Variants in MAP3K15 observed in about 807,000 individuals in gnomAD.
MAP3K15 encodes MAPK/ERK kinase kinase 15.
In MAP3K15, 124 loss-of-function variants were observed where a neutral mutation model predicts 99.5. The ratio of observed to expected loss-of-function variants is 1.25; its 90% confidence interval spans 1.08 to 1.45. MAP3K15 has a LOEUF of 1.45. MAP3K15 is among the 40% of genes most tolerant of loss of function. The pLI is 0.00. For synonymous variants in MAP3K15, 494 were observed against 439.6 expected (o/e 1.12, Z -1.55); for missense variants, 1,242 against 1,079.7 (o/e 1.15, Z -2.11).
At chrX:19,490,140 TACACACACACACACAC>T (rs59202439) in intron 1 of MAP3K15, among the ~76,000 whole-genome samples, 66 of 92,469 alleles carry the variant, frequency 7.1e-4, no homozygotes, top group African/African-American at 2.2e-3. Context: ...ATAGGCATTA[TACACACACACACACAC>T]ACACACACAC....
At chrX:19,362,675 T>G in intron 26 of MAP3K15, 63 bp downstream of exon 26, 1 of 685,509 alleles carries the variant, frequency 1.5e-6, no homozygotes, top group Non-Finnish European at 2.3e-6. Flanking sequence ...CTCAAATGTT[T>G]CTTCAAAGCT....
At chrX:19,421,218 A>G (rs1160245709) in intron 9 of MAP3K15, among the ~76,000 whole-genome samples, 4 of 111,206 alleles carry the variant, frequency 3.6e-5, no homozygotes, top group East Asian at 2.8e-4. Context: ...AAGGGTATTC[A>G]ATTAGGAAAA....
At chrX:19,373,876 G>T (rs770385486) in intron 20 of MAP3K15, among the ~76,000 whole-genome samples, 181 bp from the exon 21 acceptor site, 1 of 111,233 alleles carries the variant, frequency 9.0e-6, no homozygotes, top group South Asian at 3.8e-4. Context: ...ATGCAGTTGG[G>T]GGTCCCTCAT....
At chrX:19,436,511 T>C (rs766088126) in intron 6 of MAP3K15, among the ~76,000 whole-genome samples, 1 of 111,414 alleles carries the variant, frequency 9.0e-6, no homozygotes, top group Non-Finnish European at 1.9e-5. Flanking sequence ...CTAGATCCCT[T>C]GATCATCCAT....
At position 19,514,903 on chromosome X, in the gene MAP3K15, G is replaced by C. The variant is rs1171701407; in HGVS notation, c.359C>G (p.Ala120Gly). ...ETAVLDAFYD[A>G]DVAVVDMSDV... ...GGTGGGGACGAAGCCGCTCTCACCT[G>C]CGTCGTAGAAGGCGTCGAGCACGGC... The change falls in exon 1 of 29, where the codon GCA (alanine) becomes GGA (glycine). Residue 120 changes from alanine (A) to glycine (G), a missense_variant and splice_region_variant. Coordinates refer to ENST00000338883, the MANE Select transcript of MAP3K15 (RefSeq NM_001001671.4). 1.8e-6 allele frequency: 2 copies of C among 1,119,160 alleles called. No individual in the cohort carries two copies. The allele number at this position is 1,119,160 out of a possible 1,213,427, so 92.2% of individuals were successfully genotyped here. A position where few individuals can be genotyped will look rare whatever the true frequency, so the allele number is the denominator to read the frequency against.
chrX:19,429,636 A>G (rs1602302436), intron 7 of MAP3K15, among the ~76,000 whole-genome samples: 2 of 109,290 alleles, frequency 1.8e-5, no homozygotes, highest in East Asian at 5.8e-4. Flanking sequence ...GCCATCACTT[A>G]GGATGTTGGG....
intron 18 of MAP3K15, among the ~76,000 whole-genome samples, chrX:19,383,641 T>A (rs1019176855): frequency 2.9e-4 from 32 of 112,135 alleles, no homozygotes; most frequent in Admixed American, 8.5e-4. Flanking sequence ...TAAGAAAACA[T>A]CTAATAATTA....
chrX:19,469,706 A>AAAAAAC (rs2147371261), intron 3 of MAP3K15, among the ~76,000 whole-genome samples: 1 of 111,716 alleles, frequency 9.0e-6, no homozygotes, highest in South Asian at 3.7e-4. Context: ...ATTTACAAGA[A>AAAAAAC]AAAAACAAAC....
At chrX:19,513,355 C>T (rs1446658058) in intron 1 of MAP3K15, among the ~76,000 whole-genome samples, 1 of 112,168 alleles carries the variant, frequency 8.9e-6, no homozygotes, top group Non-Finnish European at 1.9e-5. Flanking sequence ...AACATTTAAC[C>T]GTTCAGAGAA....
chrX:19,360,063 A>AGAT lies in MAP3K15; in HGVS notation c.*683_*685dup, dbSNP rs1441581609. ...TGTTCGCGCTGACCATTTCTCTACA[A>AGAT]GATACAATATTTATTATCAGGCAAG... On this transcript the variant is annotated 3_prime_UTR_variant, in exon 29 of 29. Transcript: ENST00000338883. 3.5e-5 allele frequency: 7 copies of AGAT among 201,912 alleles called. No homozygotes were observed. Among genetic ancestry groups the AGAT allele is most frequent in the Admixed American group, 1.4e-4 (2 of 14,100 alleles). 16.6% of individuals were successfully genotyped at this position (201,912 alleles called of 1,213,427 possible). A position where few individuals can be genotyped will look rare whatever the true frequency, so the allele number is the denominator to read the frequency against.
At chrX:19,389,783 G>A (rs1222691783) in intron 18 of MAP3K15, among the ~76,000 whole-genome samples, 3 of 111,864 alleles carry the variant, frequency 2.7e-5, no homozygotes, top group Admixed American at 9.6e-5. Context: ...TCATATCAGA[G>A]CCCCTCTTGC....
At chrX:19,374,957 A>G (rs1252975896) in intron 19 of MAP3K15, among the ~76,000 whole-genome samples, 1 of 110,978 alleles carries the variant, frequency 9.0e-6, no homozygotes, top group Admixed American at 9.6e-5. Flanking sequence ...AAGCCCCGAG[A>G]CCACCATGCA....
intron 25 of MAP3K15, among the ~76,000 whole-genome samples, chrX:19,363,283 G>A (rs768175990): frequency 1.8e-3 from 198 of 112,081 alleles, no homozygotes; most frequent in African/African-American, 5.9e-3. Context: ...AGGACACACC[G>A]CGAGAAGATG....
rs1254462701 is a variant in MAP3K15 at position 19,464,241 on chromosome X, G to A, written c.691C>T (p.Leu231Phe). The A allele has an allele frequency of 5.8e-6, 7 of 1,197,569 alleles. No homozygotes were observed. The highest frequency in any genetic ancestry group is 7.8e-6 in the Non-Finnish European group (7 of 894,625). Residue 231 changes from leucine (L) to phenylalanine (F), a missense_variant, in exon 4 of 29, where the codon CTC becomes TTC. Physicochemically the swap from Leu to Phe is conservative, Grantham distance 22. Transcript: ENST00000338883. Reference sequence around the variant, plus strand: ...GAGGTCACGTGGATGTCCTTAAGGAGGCTAATGAACCTGTCCACCAAAGGC... The same window carrying A: ...GAGGTCACGTGGATGTCCTTAAGGAAGCTAATGAACCTGTCCACCAAAGGC... ...CMPLVDRFIS[L>F]LKDIHVTSCV...
At chrX:19,478,718 A>C (rs1328177421) in intron 3 of MAP3K15, among the ~76,000 whole-genome samples, 2 of 107,988 alleles carry the variant, frequency 1.9e-5, no homozygotes, top group Non-Finnish European at 3.8e-5. Flanking sequence ...ACCAGAGGTC[A>C]AGAACCAGAT....
At chrX:19,431,982 T>C (rs1392084289) in intron 6 of MAP3K15, among the ~76,000 whole-genome samples, 1 of 99,937 alleles carries the variant, frequency 1.0e-5, no homozygotes, top group Non-Finnish European at 2.0e-5. Context: ...GTGAAATACA[T>C]ATACGCATTC....
intron 15 of MAP3K15, 29 bp downstream of exon 15, chrX:19,398,197 C>A: frequency 8.3e-7 from 1 of 1,209,384 alleles, no homozygotes; most frequent in Non-Finnish European, 1.1e-6. Context: ...AGACGGCACC[C>A]GAAATGCGGA....
intron 9 of MAP3K15, among the ~76,000 whole-genome samples, chrX:19,424,136 T>C (rs1247322466): frequency 1.8e-5 from 2 of 109,607 alleles, no homozygotes; most frequent in Non-Finnish European, 1.9e-5. Context: ...AAACCATAAC[T>C]AAGAGTGTAA....
intron 3 of MAP3K15, among the ~76,000 whole-genome samples, chrX:19,470,781 A>G (rs1357139664): frequency 8.9e-6 from 1 of 112,330 alleles, no homozygotes; most frequent in Non-Finnish European, 1.9e-5. Flanking sequence ...ACATATGGGA[A>G]AAACAGTAGG....
Sources: gnomAD v4.1 joint callset for allele counts (sites outside exome capture counted in the v4.1 genomes callset) on GRCh38, gnomAD v4.1.1 for gene constraint, MANE v1.5 for transcripts, NCBI Gene and HGNC (gene_info 2026-07-23, HGNC 2026-07-21) for gene names.